Variants in MAPK8IP3 observed in about 807,000 individuals in gnomAD.
The protein encoded by MAPK8IP3 is mitogen-activated protein kinase 8 interacting protein 3, also known as C-Jun-amino-terminal kinase-interacting protein 3.
Under a neutral mutation model 157.8 loss-of-function variants are expected in MAPK8IP3, and 49 were observed. The ratio of observed to expected loss-of-function variants is 0.31; its 90% CI spans 0.25 to 0.39. MAPK8IP3 has a LOEUF of 0.39. Among genes scored for constraint, MAPK8IP3 ranks in the 10% least tolerant of loss-of-function variants. The probability of loss-of-function intolerance (pLI) is 1.00; values close to 1 mark genes in which losing one functional copy is unlikely to be tolerated. For synonymous variants in MAPK8IP3, 897 were observed against 777.7 expected, an observed-to-expected ratio of 1.15 and a Z score of -2.55; for missense variants, 1,478 against 1,889.4, an observed-to-expected ratio of 0.78 and a Z score of 4.04.
At chr16:1,714,926 T>G (rs959123625) in intron 1 of MAPK8IP3, among the ~76,000 whole-genome samples, 5 of 152,156 alleles carry the variant, frequency 3.3e-5, no homozygotes, top group Non-Finnish European at 7.3e-5. Flanking sequence ...GAGAATAATT[T>G]TTCCCAGGGA....
chr16:1,760,243 A>T, intron 11 of MAPK8IP3, 137 bp from the exon 12 acceptor site: 1 of 1,168,202 alleles, frequency 8.6e-7, no homozygotes, highest in East Asian at 2.4e-5. Flanking sequence ...TAAGATGGGG[A>T]TGGGGTCTCC....
intron 5 of MAPK8IP3, 62 bp from the exon 6 acceptor site, chr16:1,746,967 C>G: frequency 6.4e-7 from 1 of 1,568,228 alleles, no homozygotes; most frequent in Admixed American, 1.8e-5. Flanking sequence ...GCAGCCACGG[C>G]GGAGCCGCAG....
chr16:1,731,009 A>G (rs1300652031), intron 4 of MAPK8IP3, among the ~76,000 whole-genome samples: 1 of 151,550 alleles, frequency 6.6e-6, no homozygotes, highest in Non-Finnish European at 1.5e-5. Flanking sequence ...GTGTGGTGGC[A>G]CATGCCTGTA....
chr16:1,743,185 A>C lies in MAPK8IP3; in HGVS notation c.603-147A>C. On this transcript the variant is annotated intron_variant, in intron 4 of 31. Coordinates refer to ENST00000610761, the MANE Select transcript of MAPK8IP3 (RefSeq NM_001318852.2). This position sits in a 1 kb window ranked among gnomAD's most constrained non-coding sequence, Gnocchi z 5.6. ...CATGGGAGGGGAAGCGCCACGTAGG[A>C]TCATAACTGAGTAGCTGCTCGAGCT... is the stretch of plus-strand genomic sequence containing the variant. 9.1e-7 allele frequency: 1 copy of C among 1,096,084 alleles called. No homozygotes were observed. Among genetic ancestry groups the C allele is most frequent in the Admixed American group, 3.5e-5 (1 of 28,176 alleles). The allele number at this position is 1,096,084 out of a possible 1,614,324, so 67.9% of individuals were successfully genotyped here. A position where few individuals can be genotyped will look rare whatever the true frequency, so the allele number is the denominator to read the frequency against.
In MAPK8IP3 at chr16:1,743,384, G is replaced by A; in HGVS notation, c.655G>A (p.Val219Ile). The change falls in exon 5 of 32, where the codon GTA becomes ATA. Residue 219 changes from valine (V) to isoleucine (I), a missense_variant. Transcript: ENST00000610761. This position sits in a 1 kb window ranked among gnomAD's most constrained non-coding sequence, Gnocchi z 5.6. ...LNVFPLADGT[V>I]RAQIGGKLVP... ...CGTGTTCCCCCTGGCTGACGGCACG[G>A]TACGTGCACAGATCGGGGGCAAGCT... is the stretch of plus-strand genomic sequence containing the variant. 6.2e-7 allele frequency: 1 copy of A among 1,606,952 alleles called. No homozygotes were observed. Among genetic ancestry groups the A allele is most frequent in the Non-Finnish European group, 8.5e-7 (1 of 1,177,238 alleles).
At chr16:1,735,630 TGA>T (rs2039670361) in intron 4 of MAPK8IP3, among the ~76,000 whole-genome samples, 1 of 143,502 alleles carries the variant, frequency 7.0e-6, no homozygotes, top group Non-Finnish European at 1.5e-5. Context: ...AGCATCCGTG[TGA>T]CTGTCCATGT....
At chr16:1,747,366 G>A (rs1326034882) in intron 6 of MAPK8IP3, 91 bp downstream of exon 6, 7 of 1,520,314 alleles carry the variant, frequency 4.6e-6, no homozygotes, top group Non-Finnish European at 6.2e-6. Context: ...CAGGCGGGCA[G>A]TGCAGGCAGC....
chr16:1,735,688 CGTCT>C (rs1293514468), intron 4 of MAPK8IP3, among the ~76,000 whole-genome samples: 1 of 127,120 alleles, frequency 7.9e-6, no homozygotes, highest in Non-Finnish European at 1.6e-5. Flanking sequence ...TCCGTGTGAG[CGTCT>C]GTGTGCCTGT....
At chr16:1,744,744 A>G (rs2040866467) in intron 5 of MAPK8IP3, 2 of 985,474 alleles carry the variant, frequency 2.0e-6, no homozygotes, top group Non-Finnish European at 2.4e-6. Flanking sequence ...TCTTCTTCTC[A>G]TGATGTCTTT....
rs1201424254 is a variant in MAPK8IP3 at position 1,742,755 on chromosome 16, C to T, written c.603-577C>T. On this transcript the variant is annotated intron_variant, in intron 4 of 31. Coordinates refer to ENST00000610761, the MANE Select transcript of MAPK8IP3 (RefSeq NM_001318852.2). This position sits in a 1 kb window ranked among gnomAD's most constrained non-coding sequence, Gnocchi z 5.0. ...CATTGCTCATGGTGGCCGTGCAGCG[C>T]TGACCGTGATGCCAAGTCCCGTGGC... Among the ~76,000 whole-genome samples the T allele has an allele frequency of 6.6e-6, 1 of 152,172 alleles. No homozygotes were observed. Among genetic ancestry groups the T allele is most frequent in the Admixed American group, 6.5e-5 (1 of 15,274 alleles).
In MAPK8IP3 at chr16:1,762,956, C is replaced by T. The variant is rs1197633346; in HGVS notation, c.1848C>T (p.Ala616=). 6.2e-7 allele frequency: 1 copy of T among 1,613,044 alleles called. No homozygotes were observed. Among genetic ancestry groups the T allele is most frequent in the South Asian group, 1.1e-5 (1 of 91,090 alleles). The change falls in exon 16 of 32, where the codon GCC becomes GCT. Residue 616 remains alanine, a synonymous_variant. Transcript: ENST00000610761. ...GCTTCAGCCAGCGCCGCAACCATGCCATGTGCCCGATCTCGGCAGGCAGCC... is the reference window on the plus strand; with the variant it reads ...GCTTCAGCCAGCGCCGCAACCATGCTATGTGCCCGATCTCGGCAGGCAGCC... ...TAGFSQRRNH[A]MCPISAGSRP...
chr16:1,737,402 G>A (rs1326669905), intron 4 of MAPK8IP3, among the ~76,000 whole-genome samples: 9 of 104,418 alleles, frequency 8.6e-5, no homozygotes, highest in Non-Finnish European at 1.4e-4. Flanking sequence ...GTGAGCATCT[G>A]TGTGACCGTC....
At chr16:1,726,470 T>C (rs1008086691) in intron 2 of MAPK8IP3, among the ~76,000 whole-genome samples, 11 of 151,232 alleles carry the variant, frequency 7.3e-5, no homozygotes, top group Non-Finnish European at 1.2e-4. Flanking sequence ...AGCTCAAGAG[T>C]TCAAGACCAG....
In MAPK8IP3 at chr16:1,765,996, T is replaced by C. The variant is rs781442690; in HGVS notation, c.2483T>C (p.Phe828Ser). 1.2e-5 allele frequency: 20 copies of C among 1,612,620 alleles called. No homozygotes were observed. The highest frequency in any genetic ancestry group is 8.5e-6 in the Non-Finnish European group (10 of 1,179,922). Residue 828 changes from phenylalanine (F) to serine (S), a missense_variant, in exon 21 of 32, where the codon TTC becomes TCC. Physicochemically the swap from Phe to Ser is radical, Grantham distance 155. Coordinates refer to ENST00000610761, the MANE Select transcript of MAPK8IP3 (RefSeq NM_001318852.2). ...SDSDYPPGEMFLDSDVNPEDP... is the reference protein window; with the variant it reads ...SDSDYPPGEMSLDSDVNPEDP... ...AGCGACTACCCTCCCGGGGAGATGT[T>C]CCTGGACAGCGACGTGAACCCAGAG...
intron 12 of MAPK8IP3, among the ~76,000 whole-genome samples, chr16:1,760,900 C>CA (rs2041896198): frequency 6.6e-6 from 1 of 152,212 alleles, no homozygotes; most frequent in Non-Finnish European, 1.5e-5. Context: ...ATGCCTCTGC[C>CA]TAAGAAGGGA....
rs763539821 is a variant in MAPK8IP3, at chr16:1,767,677, A to G, written c.3351A>G (p.Ala1117=). The G allele has an allele frequency of 2.5e-6, 4 of 1,612,782 alleles. No individual in the cohort carries two copies. The highest frequency in any genetic ancestry group is 2.5e-6 in the Non-Finnish European group (3 of 1,179,964). The change falls in exon 27 of 32, where the codon GCA becomes GCG. Residue 1117 remains alanine, a synonymous_variant. Transcript: ENST00000610761. ...ACTCCACCCTGAGGCTCTACCATGC[A>G]CACACGCACCAGCATCTACAGGACG... ...RLDSTLRLYH[A]HTHQHLQDVD...
At chr16:1,716,969 G>A (rs1410593230) in intron 1 of MAPK8IP3, among the ~76,000 whole-genome samples, 1 of 151,992 alleles carries the variant, frequency 6.6e-6, no homozygotes, top group African/African-American at 2.4e-5. Flanking sequence ...TGAGGCAGGA[G>A]AAACAGTTGA....
chr16:1,709,197 G>T (rs758088131), intron 1 of MAPK8IP3, among the ~76,000 whole-genome samples: 2 of 152,158 alleles, frequency 1.3e-5, no homozygotes, highest in Non-Finnish European at 2.9e-5. Context: ...TCTTCTTGCC[G>T]GTCATTACCA....
intron 1 of MAPK8IP3, among the ~76,000 whole-genome samples, chr16:1,715,212 G>A (rs7197815): frequency 0.28 from 42,321 of 151,956 alleles, 7,514 homozygotes; most frequent in African/African-American, 0.49. Context: ...TTTCAACCTG[G>A]TTTTTGGAGT....
Sources: allele counts gnomAD v4.1 joint callset (sites outside exome capture counted in the v4.1 genomes callset), GRCh38; gene constraint gnomAD v4.1.1; non-coding constraint Gnocchi (gnomAD v3.1); transcripts MANE v1.5; gene names NCBI Gene and HGNC (gene_info 2026-07-23, HGNC 2026-07-21).